Variants in STRBP observed in about 807,000 individuals in gnomAD.
STRBP encodes the protein spermatid perinuclear RNA-binding protein.
A neutral mutation model predicts 80.1 loss-of-function variants in STRBP; 13 were observed. That is an observed-to-expected ratio of 0.16 (90% CI 0.11 to 0.26). The LOEUF (loss-of-function observed/expected upper bound fraction) is 0.26, where lower values mean the gene tolerates loss of function less well. Among genes scored for constraint, STRBP ranks in the 10% least tolerant of loss-of-function variants. The pLI, the probability that STRBP is intolerant of heterozygous loss-of-function variation, is 1.00. For missense variants in STRBP, 485 were observed against 815.2 expected, an observed-to-expected ratio of 0.59 and a Z score of 4.93; for synonymous variants, 284 against 291.2, an observed-to-expected ratio of 0.98 and a Z score of 0.25.
chr9:123,259,973 T>TA (rs2041125711), intron 1 of STRBP, among the ~76,000 whole-genome samples: 1 of 152,198 alleles, frequency 6.6e-6, no homozygotes, highest in Non-Finnish European at 1.5e-5. Flanking sequence ...GTGGTGGGGT[T>TA]AAAAATCTCA....
At chr9:123,181,639 A>G (rs1226747961) in intron 3 of STRBP, among the ~76,000 whole-genome samples, 1 of 151,932 alleles carries the variant, frequency 6.6e-6, no homozygotes, top group East Asian at 1.9e-4. Flanking sequence ...TCTACTAAAA[A>G]TATAAATTTA....
chr9:123,197,586 A>G (rs1396284034), intron 2 of STRBP, among the ~76,000 whole-genome samples: 2 of 150,324 alleles, frequency 1.3e-5, no homozygotes, highest in Admixed American at 6.6e-5. Context: ...TCACTTACTC[A>G]TAGCTTGGCT....
In STRBP at chr9:123,124,419, G is replaced by A. The variant is rs1357276806; in HGVS notation, c.*1178C>T. On this transcript the variant is annotated 3_prime_UTR_variant, in exon 19 of 19. Transcript: ENST00000348403. Reference sequence around the variant, plus strand: ...TGCACCCTTTACAGAACAGCACAATGTTACCCACTGATCCATTTCCACCAG... The same window carrying A: ...TGCACCCTTTACAGAACAGCACAATATTACCCACTGATCCATTTCCACCAG... The A allele has an allele frequency of 1.0e-6, 1 of 985,266 alleles. No homozygotes were observed. The highest frequency in any genetic ancestry group is 1.1e-4 in the East Asian group (1 of 8,828). The allele number at this position is 985,266 out of a possible 1,614,324, so 61.0% of individuals were successfully genotyped here.
chr9:123,118,517 T>C (rs552220252), downstream of STRBP, among the ~76,000 whole-genome samples: 1 of 152,324 alleles, frequency 6.6e-6, no homozygotes, highest in Non-Finnish European at 1.5e-5. Context: ...AGTAAGTAAT[T>C]AGAATGTTGA....
intron 1 of STRBP, among the ~76,000 whole-genome samples, chr9:123,256,247 G>A (rs564902392): frequency 5.9e-5 from 9 of 151,896 alleles, no homozygotes; most frequent in Non-Finnish European, 1.2e-4. Flanking sequence ...TCGAACTCCT[G>A]AGCTCAACTG....
downstream of STRBP, among the ~76,000 whole-genome samples, chr9:123,119,394 C>T (rs892006012): frequency 1.7e-5 from 2 of 115,956 alleles, no homozygotes; most frequent in African/African-American, 6.5e-5. Flanking sequence ...CCCCCCGCCC[C>T]CCGCCAAAAA....
At chr9:123,187,822 G>A (rs1344445591) in intron 2 of STRBP, among the ~76,000 whole-genome samples, 1 of 129,424 alleles carries the variant, frequency 7.7e-6, no homozygotes, top group African/African-American at 2.9e-5. Flanking sequence ...TTACCTTAGT[G>A]TGGTACATTT....
At chr9:123,201,474 A>G (rs2039323906) in intron 2 of STRBP, among the ~76,000 whole-genome samples, 1 of 152,182 alleles carries the variant, frequency 6.6e-6, no homozygotes, top group Non-Finnish European at 1.5e-5. Context: ...CCCAGATATC[A>G]TTCAGGAGCA....
downstream of STRBP, among the ~76,000 whole-genome samples, chr9:123,116,679 C>G (rs1001774): frequency 0.09 from 13,749 of 152,142 alleles, 1,707 homozygotes; most frequent in East Asian, 0.61. Context: ...GAACACATCA[C>G]AGAGAGAGAA....
chr9:123,238,543 G>A (rs755974762), intron 1 of STRBP, among the ~76,000 whole-genome samples: 5 of 152,234 alleles, frequency 3.3e-5, no homozygotes, highest in Non-Finnish European at 7.3e-5. Flanking sequence ...TAGTGACTAA[G>A]AGAGAACAGT....
At chr9:123,208,612 A>G (rs548602820) in intron 2 of STRBP, among the ~76,000 whole-genome samples, 3 of 152,342 alleles carry the variant, frequency 2.0e-5, no homozygotes, top group South Asian at 2.1e-4. Flanking sequence ...ATATACATGA[A>G]TAAGTATGGC....
chr9:123,141,155 G>A (rs1009205224), intron 13 of STRBP, among the ~76,000 whole-genome samples: 1 of 152,164 alleles, frequency 6.6e-6, no homozygotes, highest in African/African-American at 2.4e-5. Flanking sequence ...CAAATGAGAA[G>A]CCAGCCTTTA....
intron 2 of STRBP, among the ~76,000 whole-genome samples, chr9:123,212,154 TAATA>T (rs897496442): frequency 3.3e-4 from 51 of 152,314 alleles, no homozygotes; most frequent in African/African-American, 1.2e-3. Flanking sequence ...CTCAGCCACT[TAATA>T]AATAAATGCA....
At chr9:123,255,210 T>G (rs531580421) in intron 1 of STRBP, among the ~76,000 whole-genome samples, 90 of 152,346 alleles carry the variant, frequency 5.9e-4, no homozygotes, top group African/African-American at 2.1e-3. Context: ...CTTCTGGTAT[T>G]TTGTTAAATG....
rs1371682332 is a variant in STRBP at position 123,265,079 on chromosome 9, T to C, written c.-302+3357A>G. Among the ~76,000 whole-genome samples the C allele has an allele frequency of 2.6e-5, 4 of 152,170 alleles. No individual in the cohort carries two copies. The East Asian group carries it at 7.7e-4, about 29-fold the overall frequency. On this transcript the variant is annotated intron_variant, in intron 1 of 18. Transcript: ENST00000348403. ...CAGAGTTTCAATCGAAGGGACATTATACTCTAAAAATCTTTCCCTCCAAAA... is the reference window on the plus strand; with the variant it reads ...CAGAGTTTCAATCGAAGGGACATTACACTCTAAAAATCTTTCCCTCCAAAA...
At chr9:123,243,561 C>T (rs905822060) in intron 1 of STRBP, among the ~76,000 whole-genome samples, 2 of 152,066 alleles carry the variant, frequency 1.3e-5, no homozygotes, top group African/African-American at 4.8e-5. Flanking sequence ...TTACAAACCA[C>T]ATACCCAATA....
intron 2 of STRBP, among the ~76,000 whole-genome samples, chr9:123,233,221 T>C (rs2132584548): frequency 6.6e-6 from 1 of 152,222 alleles, no homozygotes; most frequent in African/African-American, 2.4e-5. Context: ...TACAGGCGCA[T>C]ACCACCACAT....
downstream of STRBP, among the ~76,000 whole-genome samples, chr9:123,118,069 C>G (rs1211459336): frequency 5.9e-5 from 9 of 152,328 alleles, no homozygotes; most frequent in Non-Finnish European, 8.8e-5. Flanking sequence ...CGGCCGCAGC[C>G]TTTTAATCCA....
intron 16 of STRBP, among the ~76,000 whole-genome samples, chr9:123,133,625 AC>A (rs780900564): frequency 1.3e-3 from 200 of 151,672 alleles, no homozygotes; most frequent in Non-Finnish European, 2.2e-3. Flanking sequence ...TGCAACCTCC[AC>A]CTTCCCAGGT....
Sources: allele counts gnomAD v4.1 joint callset (sites outside exome capture counted in the v4.1 genomes callset), GRCh38; gene constraint gnomAD v4.1.1; transcripts MANE v1.5; gene names NCBI Gene and HGNC (gene_info 2026-07-23, HGNC 2026-07-21).